ZNF365: variants seen among roughly 807,000 people sequenced by gnomAD.
ZNF365 encodes the protein zinc finger protein 365.
Under a neutral mutation model 35.0 loss-of-function variants are expected in ZNF365, and 22 were observed. That is an observed-to-expected ratio of 0.63 (90% confidence interval 0.45 to 0.90). The LOEUF (loss-of-function observed/expected upper bound fraction) is 0.90, where lower values mean the gene tolerates loss of function less well. Among genes scored for constraint, ZNF365 ranks in the 40% least tolerant of loss-of-function variants. ZNF365 has a pLI of 0.00. For synonymous variants in ZNF365, 188 were observed against 196.2 expected (o/e 0.96, Z 0.35); for missense variants, 448 against 500.3 (o/e 0.90, Z 1.00).
In ZNF365 at chr10:62,400,653, G is replaced by A. The variant is rs993300674; in HGVS notation, c.*864G>A. The stretch of plus-strand genomic sequence containing the variant: ...CTGCACGCTTGGTGCATCGTGCATC[G>A]TGACCATCCTGGAAGCACTGCGGGT... On this transcript the variant is annotated 3_prime_UTR_variant, in exon 5 of 5. Transcript: ENST00000395254. 11 of 985,570 alleles carry A rather than the reference G, an allele frequency of 1.1e-5. No homozygotes were observed. The highest frequency in any genetic ancestry group is 7.0e-5 in the African/African-American group (4 of 57,196). 61.1% of individuals were successfully genotyped at this position (985,570 alleles called of 1,614,324 possible). A position where few individuals can be genotyped will look rare whatever the true frequency, so the allele number is the denominator to read the frequency against.
chr10:62,398,977 A>C lies in ZNF365; in HGVS notation c.962+200A>C, dbSNP rs1202241898. Among the ~76,000 whole-genome samples, 4 of 152,310 alleles carry C rather than the reference A, an allele frequency of 2.6e-5. No homozygotes were observed. In the East Asian group the frequency reaches 7.7e-4, roughly 29 times the overall value. On this transcript the variant is annotated intron_variant, in intron 4 of 4. Coordinates refer to ENST00000395254, the MANE Select transcript of ZNF365 (RefSeq NM_014951.3). ...TGACCTTTCAATATCCTACTAGTCT[A>C]TTAGTATATACCACTATGATGGCAC...
intron 4 of ZNF365, among the ~76,000 whole-genome samples, chr10:62,478,174 GA>G: frequency 6.6e-6 from 1 of 152,130 alleles, no homozygotes; most frequent in Non-Finnish European, 1.5e-5. Flanking sequence ...CAAAGCTTCA[GA>G]AAGAAAAGGA....
chr10:62,434,467 T>C (rs570871892), intron 3 of ZNF365, among the ~76,000 whole-genome samples: 1 of 152,274 alleles, frequency 6.6e-6, no homozygotes, highest in East Asian at 1.9e-4. Flanking sequence ...TACTTCCTCT[T>C]AGGAAGGGCC....
chr10:62,397,445 C>T (rs1248868138), intron 3 of ZNF365, among the ~76,000 whole-genome samples: 4 of 152,128 alleles, frequency 2.6e-5, no homozygotes, highest in African/African-American at 4.8e-5. Flanking sequence ...TTTTATTTGT[C>T]GTTTCTCTTC....
At chr10:62,406,848 T>C (rs1202048893), downstream of ZNF365, among the ~76,000 whole-genome samples, 3 of 152,194 alleles carry the variant, frequency 2.0e-5, no homozygotes, top group Admixed American at 2.0e-4. Flanking sequence ...CCTGTAGTGT[T>C]GTATCCCATT....
At chr10:62,414,195 C>G (rs747823644) in intron 3 of ZNF365, among the ~76,000 whole-genome samples, 6 of 151,638 alleles carry the variant, frequency 4.0e-5, no homozygotes, top group Non-Finnish European at 8.8e-5. Flanking sequence ...CAAAATTATC[C>G]TATCTAGCTC....
At chr10:62,474,107 C>T (rs73282644) in intron 4 of ZNF365, among the ~76,000 whole-genome samples, 6,148 of 152,274 alleles carry the variant, frequency 0.04, 161 homozygotes, top group Middle Eastern at 0.071. Flanking sequence ...AGAGTGTTCC[C>T]AGAAATTGCC....
intron 3 of ZNF365, among the ~76,000 whole-genome samples, chr10:62,428,865 G>C (rs1351530487): frequency 6.6e-6 from 1 of 152,172 alleles, no homozygotes; most frequent in African/African-American, 2.4e-5. Context: ...AGCTCGCTTG[G>C]GAGAGGGGAG....
At chr10:62,399,301 G>T (rs1284818589) in intron 4 of ZNF365, among the ~76,000 whole-genome samples, 1 of 152,064 alleles carries the variant, frequency 6.6e-6, no homozygotes, top group Non-Finnish European at 1.5e-5. Context: ...ACTGTAAATA[G>T]AACTAGTAAT....
chr10:62,426,918 G>C (rs1840258280), intron 3 of ZNF365, among the ~76,000 whole-genome samples: 1 of 152,120 alleles, frequency 6.6e-6, no homozygotes, highest in African/African-American at 2.4e-5. Context: ...AGCTCTGGGA[G>C]GGGCAGAGTC....
chr10:62,399,008 G>A (rs1839778494), intron 4 of ZNF365, among the ~76,000 whole-genome samples: 1 of 152,122 alleles, frequency 6.6e-6, no homozygotes, highest in Non-Finnish European at 1.5e-5. Context: ...GGCACTGGAG[G>A]AATATTTTTA....
intron 3 of ZNF365, among the ~76,000 whole-genome samples, chr10:62,395,958 T>G (rs1209572335): frequency 6.6e-6 from 1 of 152,074 alleles, no homozygotes; most frequent in Non-Finnish European, 1.5e-5. Context: ...CATCCTCCTC[T>G]CCCTAATCAA....
chr10:62,432,205 A>G (rs1301358845), intron 3 of ZNF365, among the ~76,000 whole-genome samples: 4 of 152,208 alleles, frequency 2.6e-5, no homozygotes, highest in African/African-American at 9.7e-5. Flanking sequence ...TGAGGGGTCC[A>G]GCCTTTGTCC....
chr10:62,418,504 T>C (rs1840115697), intron 3 of ZNF365, among the ~76,000 whole-genome samples: 1 of 151,994 alleles, frequency 6.6e-6, no homozygotes, highest in Non-Finnish European at 1.5e-5. Flanking sequence ...AAGGGGTGCC[T>C]GAGACAGCAT....
chr10:62,478,967 T>A (rs1176871427), intron 4 of ZNF365, among the ~76,000 whole-genome samples: 1 of 152,266 alleles, frequency 6.6e-6, no homozygotes, highest in African/African-American at 2.4e-5. Context: ...TAATTTCATA[T>A]CTACTTGATT....
At chr10:62,388,286 C>T (rs1001733740) in intron 2 of ZNF365, 110 bp from the exon 3 acceptor site, 115 of 1,161,136 alleles carry the variant, frequency 9.9e-5, no homozygotes, top group Middle Eastern at 2.0e-4. Flanking sequence ...CCATGGAGTA[C>T]TGCCTAGGGT....
At chr10:62,470,292 T>G (rs1344496683) in intron 4 of ZNF365, among the ~76,000 whole-genome samples, 1 of 152,222 alleles carries the variant, frequency 6.6e-6, no homozygotes, top group Non-Finnish European at 1.5e-5. Context: ...GGGAGTCTGT[T>G]CTGCACTCAC....
At chr10:62,393,213 A>G (rs1010232789) in intron 3 of ZNF365, among the ~76,000 whole-genome samples, 35 of 152,328 alleles carry the variant, frequency 2.3e-4, no homozygotes, top group African/African-American at 8.4e-4. Flanking sequence ...GACCTGCCTG[A>G]GGCTGTTTTA....
At chr10:62,399,440 G>T in intron 4 of ZNF365, 88 bp from the exon 5 acceptor site, 1 of 1,535,546 alleles carries the variant, frequency 6.5e-7, no homozygotes, top group Admixed American at 1.9e-5. Context: ...AGGAGAGATT[G>T]TGCCATGAGT....
Sources: allele counts gnomAD v4.1 joint callset (sites outside exome capture counted in the v4.1 genomes callset), GRCh38; gene constraint gnomAD v4.1.1; transcripts MANE v1.5; gene names NCBI Gene and HGNC (gene_info 2026-07-23, HGNC 2026-07-21).